Variants in PEAK1 observed in about 807,000 individuals in gnomAD.
PEAK1 encodes inactive tyrosine-protein kinase PEAK1.
In PEAK1, 54 loss-of-function variants were observed where a neutral mutation model predicts 124.7. The ratio of observed to expected loss-of-function variants is 0.43; its 90% CI spans 0.35 to 0.54. The LOEUF is 0.54. Ranked by LOEUF, PEAK1 falls within the 20% of genes least tolerant of loss-of-function variation. PEAK1 has a pLI of 0.01. For synonymous variants in PEAK1, 719 were observed against 760.0 expected (o/e 0.95, Z 0.89); for missense variants, 2,046 against 2,134.5 (o/e 0.96, Z 0.82).
At chr15:77,240,551 G>A (rs989972297) in intron 6 of PEAK1, among the ~76,000 whole-genome samples, 1 of 151,840 alleles carries the variant, frequency 6.6e-6, no homozygotes, top group Non-Finnish European at 1.5e-5. Context: ...AGCCCTGGAG[G>A]TTGAGGGTGC....
intron 8 of PEAK1, among the ~76,000 whole-genome samples, chr15:77,147,608 T>C (rs1157905748): frequency 6.6e-6 from 1 of 152,200 alleles, no homozygotes; most frequent in African/African-American, 2.4e-5. Flanking sequence ...CAAATTTTAT[T>C]ACTTCTTTGG....
At chr15:77,188,862 T>C (rs1488402718) in intron 6 of PEAK1, among the ~76,000 whole-genome samples, 1 of 152,114 alleles carries the variant, frequency 6.6e-6, no homozygotes, top group African/African-American at 2.4e-5. Flanking sequence ...ATAATTCTAG[T>C]TAGCATTTAC....
intron 5 of PEAK1, among the ~76,000 whole-genome samples, chr15:77,280,498 T>C (rs889989685): frequency 1.3e-5 from 2 of 152,296 alleles, no homozygotes; most frequent in Admixed American, 6.5e-5. Context: ...TATATAACAC[T>C]TGAGGATGTA....
intron 2 of PEAK1, among the ~76,000 whole-genome samples, chr15:77,293,664 G>C (rs948246263): frequency 6.6e-6 from 1 of 152,134 alleles, no homozygotes; most frequent in African/African-American, 2.4e-5. Flanking sequence ...TAATTACTAA[G>C]AGAGAAAGTG....
chr15:77,102,601 A>G (rs1172527086), exon 7 of PEAK1: 1 of 152,164 alleles, frequency 6.6e-6, no homozygotes, highest in Non-Finnish European at 1.5e-5. Context: ...AATATTTTCC[A>G]AATAGCTAAC....
At chr15:77,124,353 A>G (rs2052188746) in intron 9 of PEAK1, among the ~76,000 whole-genome samples, 1 of 152,230 alleles carries the variant, frequency 6.6e-6, no homozygotes, top group Non-Finnish European at 1.5e-5. Flanking sequence ...CTCTCTTCTG[A>G]GTACCAAACC....
chr15:77,130,799 A>C (rs1265195849), intron 9 of PEAK1, among the ~76,000 whole-genome samples: 1 of 152,224 alleles, frequency 6.6e-6, no homozygotes. Flanking sequence ...AACATCTGAA[A>C]GAGGAGGAAA....
At chr15:77,209,390 T>TA (rs1461540173) in intron 6 of PEAK1, among the ~76,000 whole-genome samples, 1 of 152,056 alleles carries the variant, frequency 6.6e-6, no homozygotes, top group Admixed American at 6.6e-5. Flanking sequence ...TACCAGAAAC[T>TA]ATCAAACAAG....
intron 8 of PEAK1, among the ~76,000 whole-genome samples, chr15:77,141,739 T>A (rs906442984): frequency 1.7e-4 from 26 of 152,208 alleles, no homozygotes; most frequent in African/African-American, 6.3e-4. Flanking sequence ...TAAGGCCAAC[T>A]GATTTTTGAC....
intron 1 of PEAK1, among the ~76,000 whole-genome samples, chr15:77,414,212 T>TC (rs2072682544): frequency 1.4e-5 from 2 of 142,172 alleles, no homozygotes; most frequent in East Asian, 4.0e-4. Context: ...TCCTTCTTTT[T>TC]TTTTTTTTTT....
chr15:77,386,285 T>C (rs1352284144), intron 1 of PEAK1, among the ~76,000 whole-genome samples: 1 of 152,138 alleles, frequency 6.6e-6, no homozygotes, highest in Admixed American at 6.6e-5. Flanking sequence ...TATACTGAAG[T>C]TATTATTAGA....
downstream of PEAK1, chr15:77,103,469 G>A (rs892810264): frequency 6.6e-6 from 1 of 152,178 alleles, no homozygotes; most frequent in Non-Finnish European, 1.5e-5. Context: ...GCAATTTGCA[G>A]AGTATTGTAC....
At chr15:77,170,785 T>G (rs566865822) in intron 7 of PEAK1, among the ~76,000 whole-genome samples, 32 of 152,272 alleles carry the variant, frequency 2.1e-4, no homozygotes, top group Admixed American at 1.1e-3. Flanking sequence ...AGTCAAAAGT[T>G]ACAACTACTC....
At chr15:77,401,989 A>C (rs943621266) in intron 1 of PEAK1, 5 of 840,726 alleles carry the variant, frequency 5.9e-6, no homozygotes, top group African/African-American at 1.8e-5. Context: ...ACCTGAGGTA[A>C]GGAGTTCAAG....
chr15:77,339,267 C>T (rs2066394658), intron 2 of PEAK1, among the ~76,000 whole-genome samples: 1 of 151,952 alleles, frequency 6.6e-6, no homozygotes. Flanking sequence ...CATGCCACCA[C>T]ACCCAGCTAG....
intron 5 of PEAK1, among the ~76,000 whole-genome samples, chr15:77,278,107 C>T (rs1036883624): frequency 8.6e-5 from 13 of 151,936 alleles, no homozygotes; most frequent in Admixed American, 2.6e-4. Context: ...CTCGTGGGCA[C>T]GAGGGTATGT....
downstream of PEAK1, chr15:77,107,109 C>T (rs1356255565): frequency 6.6e-6 from 1 of 152,378 alleles, no homozygotes; most frequent in Non-Finnish European, 1.5e-5. Flanking sequence ...CTGGTACGCT[C>T]TGTTTCTGTG....
intron 6 of PEAK1, among the ~76,000 whole-genome samples, chr15:77,182,421 T>C (rs1353715891): frequency 6.6e-6 from 1 of 152,002 alleles, no homozygotes; most frequent in Non-Finnish European, 1.5e-5. Context: ...GTTTTAGACA[T>C]TTCGTAGACT....
Position 77,133,690 on chromosome 15 carries a change from T to A in PEAK1, c.3392A>T (p.Asp1131Val). 1 of 1,613,996 alleles carries A rather than the reference T, an allele frequency of 6.2e-7. No individual in the cohort carries two copies. The highest frequency in any genetic ancestry group is 8.5e-7 in the Non-Finnish European group (1 of 1,179,936). ...KQPRQPKGAV[D>V]DAIAFGGKTD... ...TTTCCCTCCAAAGGCGATGGCATCG[T>A]CCACAGCTCCCTTGGGCTGTCGTGG... Residue 1131 changes from aspartate to valine, a missense_variant, in exon 9 of 10, where the codon GAC becomes GTC. Physicochemically the swap from Asp to Val is radical, Grantham distance 152 (BLOSUM62 -3). Coordinates refer to ENST00000682557, the MANE Select transcript of PEAK1 (RefSeq NM_001385026.1). This position sits in a 1 kb window ranked among gnomAD's most constrained non-coding sequence, Gnocchi z 4.2.
Sources: gnomAD v4.1 joint callset for allele counts (sites outside exome capture counted in the v4.1 genomes callset) on GRCh38, gnomAD v4.1.1 for gene constraint, Gnocchi (gnomAD v3.1) non-coding constraint, MANE v1.5 for transcripts, NCBI Gene and HGNC (gene_info 2026-07-23, HGNC 2026-07-21) for gene names.